Variants in CDH18 observed in about 807,000 individuals in gnomAD.
CDH18 encodes cadherin 18.
Under a neutral mutation model 67.9 loss-of-function variants are expected in CDH18, and 31 were observed. The ratio of observed to expected loss-of-function variants is 0.46; its 90% confidence interval spans 0.34 to 0.62. CDH18 has a LOEUF of 0.62. Among genes scored for constraint, CDH18 ranks in the 20% least tolerant of loss-of-function variants. The pLI is 0.01. For synonymous variants in CDH18, 362 were observed against 347.2 expected (o/e 1.04, Z -0.48); for missense variants, 890 against 975.5 (o/e 0.91, Z 1.17).
intron 1 of CDH18, among the ~76,000 whole-genome samples, chr5:20,448,299 A>G (rs1003877719): frequency 8.7e-5 from 13 of 149,948 alleles, no homozygotes; most frequent in African/African-American, 3.2e-4. Flanking sequence ...TTTTTGAGAT[A>G]TCTTATTTTA....
chr5:19,833,242 TC>T lies in CDH18; in HGVS notation c.228+5516del, dbSNP rs533819705. ...GTTCTCCTTAAAGAGGTCCTTCACA[TC>T]CCTTGTTAGCTGTATACCTAGGTAT... On this transcript the variant is annotated intron_variant, in intron 3 of 12. Coordinates refer to ENST00000382275, the MANE Select transcript of CDH18 (RefSeq NM_004934.5). 3.8e-3 allele frequency among the ~76,000 whole-genome samples: 582 copies of T among 152,206 alleles called. 5 individuals carry two copies. Among genetic ancestry groups the T allele is most frequent in the African/African-American group, 0.013 (558 of 41,528 alleles).
intron 2 of CDH18, among the ~76,000 whole-genome samples, chr5:19,975,909 C>T (rs1469271743): frequency 2.6e-5 from 4 of 152,228 alleles, no homozygotes; most frequent in Non-Finnish European, 5.9e-5. Context: ...TTTGCATACA[C>T]ATTAAATCCT....
At chr5:19,695,013 G>A (rs1220448790) in intron 5 of CDH18, among the ~76,000 whole-genome samples, 1 of 152,162 alleles carries the variant, frequency 6.6e-6, no homozygotes, top group African/African-American at 2.4e-5. Context: ...TGAAACAGAG[G>A]GAGGGTCCAT....
chr5:19,812,784 A>G (rs1235019063), intron 3 of CDH18, among the ~76,000 whole-genome samples: 1 of 152,222 alleles, frequency 6.6e-6, no homozygotes, highest in African/African-American at 2.4e-5. Context: ...ATCTAGAACC[A>G]GAAATAGCAT....
At chr5:20,138,803 T>G (rs938209653) in intron 2 of CDH18, among the ~76,000 whole-genome samples, 1 of 151,868 alleles carries the variant, frequency 6.6e-6, no homozygotes, top group African/African-American at 2.4e-5. Context: ...CACTGCTCAA[T>G]GAAATAAAAG....
At chr5:20,290,420 A>C (rs1747016880) in intron 1 of CDH18, among the ~76,000 whole-genome samples, 1 of 152,174 alleles carries the variant, frequency 6.6e-6, no homozygotes, top group Non-Finnish European at 1.5e-5. Context: ...AGAGATGGCA[A>C]CATCTATTCA....
chr5:19,759,435 C>G (rs1335019864), intron 3 of CDH18, among the ~76,000 whole-genome samples: 1 of 152,146 alleles, frequency 6.6e-6, no homozygotes, highest in African/African-American at 2.4e-5. Context: ...CTCAACCTAC[C>G]AGTCAGGGAG....
intron 1 of CDH18, among the ~76,000 whole-genome samples, chr5:20,451,018 T>C (rs780484085): frequency 2.6e-5 from 4 of 152,182 alleles, no homozygotes; most frequent in Non-Finnish European, 5.9e-5. Flanking sequence ...ACCTGCCCTA[T>C]AATTCAATTA....
chr5:19,681,688 T>G (rs1760348041), intron 5 of CDH18, among the ~76,000 whole-genome samples: 1 of 151,974 alleles, frequency 6.6e-6, no homozygotes, highest in South Asian at 2.1e-4. Flanking sequence ...AGCTGGGCTG[T>G]TACCTGAGAG....
intron 3 of CDH18, among the ~76,000 whole-genome samples, chr5:19,824,488 T>C (rs536632896): frequency 1.3e-5 from 2 of 152,322 alleles, no homozygotes; most frequent in African/African-American, 2.4e-5. Context: ...AAGTTCCCCA[T>C]GCCTTCCCCA....
chr5:20,501,533 T>C (rs1438960742), intron 1 of CDH18, among the ~76,000 whole-genome samples: 2 of 100,050 alleles, frequency 2.0e-5, no homozygotes, highest in Admixed American at 1.6e-4. Context: ...ATATTATATA[T>C]ATTATATACA....
At chr5:20,030,325 TA>T (rs1269904879) in intron 2 of CDH18, among the ~76,000 whole-genome samples, 1 of 152,194 alleles carries the variant, frequency 6.6e-6, no homozygotes, top group Admixed American at 6.5e-5. Context: ...GTGTTTAGCC[TA>T]AGGCTATGTT....
intron 2 of CDH18, among the ~76,000 whole-genome samples, chr5:20,240,258 T>C (rs1742796487): frequency 7.3e-6 from 1 of 136,574 alleles, no homozygotes; most frequent in African/African-American, 2.9e-5. Context: ...TTTATCAAAT[T>C]AAATTTTAGC....
chr5:20,167,962 T>C (rs1319922688), intron 2 of CDH18, among the ~76,000 whole-genome samples: 2 of 152,192 alleles, frequency 1.3e-5, no homozygotes, highest in Non-Finnish European at 2.9e-5. Context: ...ATGTGTGGTG[T>C]GGATCTAACT....
At chr5:20,225,755 C>G (rs556209755) in intron 2 of CDH18, among the ~76,000 whole-genome samples, 11 of 152,076 alleles carry the variant, frequency 7.2e-5, no homozygotes, top group African/African-American at 2.4e-4. Flanking sequence ...AAAATGGATG[C>G]CTACAGAAGG....
At chr5:19,490,275 A>C (rs1741190723) in intron 11 of CDH18, among the ~76,000 whole-genome samples, 1 of 151,910 alleles carries the variant, frequency 6.6e-6, no homozygotes, top group Non-Finnish European at 1.5e-5. Context: ...TGTGGTTCTT[A>C]GTAAGGAAAG....
At chr5:20,168,097 T>G (rs1736435503) in intron 2 of CDH18, among the ~76,000 whole-genome samples, 1 of 152,314 alleles carries the variant, frequency 6.6e-6, no homozygotes, top group Middle Eastern at 3.4e-3. Flanking sequence ...TTTGTGTTCC[T>G]TTGACTAGCT....
chr5:20,342,592 C>A lies in CDH18; in HGVS notation c.-579-87087G>T, dbSNP rs533761690. Among the ~76,000 whole-genome samples the A allele has an allele frequency of 2.0e-5, 3 of 152,208 alleles. No individual in the cohort carries two copies. In the East Asian group the frequency reaches 5.8e-4, roughly 30 times the overall value. On this transcript the variant is annotated intron_variant, in intron 1 of 14. Coordinates refer to the CDH18 transcript ENST00000507958. ...ACACTTGAAAAGAACTGTTTGAGTTCTCTAGATAAACAGCAATCTGGAGAA... is the reference window on the plus strand; with the variant it reads ...ACACTTGAAAAGAACTGTTTGAGTTATCTAGATAAACAGCAATCTGGAGAA...
At chr5:20,514,272 G>A (rs1403290742) in intron 1 of CDH18, among the ~76,000 whole-genome samples, 1 of 152,002 alleles carries the variant, frequency 6.6e-6, no homozygotes, top group East Asian at 1.9e-4. Flanking sequence ...ATTGGTGTCT[G>A]ACATAGGCAC....
Sources: allele counts gnomAD v4.1 joint callset (sites outside exome capture counted in the v4.1 genomes callset), GRCh38; gene constraint gnomAD v4.1.1; transcripts MANE v1.5; gene names NCBI Gene and HGNC (gene_info 2026-07-23, HGNC 2026-07-21).